PIEZO2: variants seen among roughly 807,000 people sequenced by gnomAD.
The protein encoded by PIEZO2 is piezo-type mechanosensitive ion channel component 2.
A neutral mutation model predicts 337.3 loss-of-function variants in PIEZO2; 172 were observed. The observed-to-expected ratio is 0.51, with a 90% CI of 0.45 to 0.58. The LOEUF is 0.58. PIEZO2 is among the 20% of genes least tolerant of loss of function. The pLI is 0.00. For synonymous variants in PIEZO2, 1,251 were observed against 1,228.5 expected (o/e 1.02, Z -0.38); for missense variants, 3,028 against 3,391.3 (o/e 0.89, Z 2.66).
chr18:11,010,683 T>G (rs1297438006), intron 2 of PIEZO2, among the ~76,000 whole-genome samples: 1 of 152,186 alleles, frequency 6.6e-6, no homozygotes, highest in African/African-American at 2.4e-5. Flanking sequence ...GAAAATGGGA[T>G]AGGCAAAGAT....
At chr18:10,914,759 T>C (rs1455421401) in intron 3 of PIEZO2, among the ~76,000 whole-genome samples, 3 of 152,110 alleles carry the variant, frequency 2.0e-5, no homozygotes, top group Non-Finnish European at 4.4e-5. Flanking sequence ...GAAACTGTCC[T>C]TTGTAGATCC....
chr18:10,707,563 T>C lies in PIEZO2; in HGVS notation c.5588+712A>G, dbSNP rs2035635971. ...AACACAGTGTAGCTGCTGACTTCAT[T>C]GTGCCCCCTCACCATCCTAAGGCAA... On this transcript the variant is annotated intron_variant, in intron 40 of 55. Coordinates refer to ENST00000674853, the MANE Select transcript of PIEZO2 (RefSeq NM_001378183.1). The surrounding 1 kb of genome is among the most constrained non-coding windows in gnomAD (Gnocchi z 4.2). 6.6e-6 allele frequency among the ~76,000 whole-genome samples: 1 copy of C among 152,226 alleles called. No homozygotes were observed.
intron 1 of PIEZO2, among the ~76,000 whole-genome samples, chr18:11,147,370 C>G (rs2040836700): frequency 1.3e-5 from 2 of 152,194 alleles, no homozygotes. Context: ...AAGACGCCTC[C>G]CAGACTCTTC....
intron 3 of PIEZO2, among the ~76,000 whole-genome samples, chr18:10,947,616 A>T (rs551344486): frequency 1.3e-5 from 2 of 152,280 alleles, no homozygotes; most frequent in South Asian, 4.1e-4. Context: ...AGTCCTTCAG[A>T]TGGAAGGAAA....
chr18:10,837,207 C>A lies in PIEZO2; in HGVS notation c.917+18146G>T, dbSNP rs2041042606. On this transcript the variant is annotated intron_variant, in intron 7 of 55. Transcript: ENST00000674853. This position sits in a 1 kb window ranked among gnomAD's most constrained non-coding sequence, Gnocchi z 4.4. ...CGGTAACAGAACCTGGAAATCAATGCTTTGAGGGGATTTTATTTTGACAGC... is the reference window on the plus strand; with the variant it reads ...CGGTAACAGAACCTGGAAATCAATGATTTGAGGGGATTTTATTTTGACAGC... Among the ~76,000 whole-genome samples the A allele has an allele frequency of 6.6e-6, 1 of 152,162 alleles. No individual in the cohort carries two copies. The highest frequency in any genetic ancestry group is 2.4e-5 in the African/African-American group (1 of 41,452).
rs149960608 is a variant in PIEZO2 at position 10,700,765 on chromosome 18, C to A, written c.6441+1224G>T. On this transcript the variant is annotated intron_variant, in intron 43 of 55. Transcript: ENST00000674853. ...TTATTAATATGTTCATAACAAAAAT[C>A]AGTATACTAAATAAATTCAAGTAAT... Among the ~76,000 whole-genome samples, 679 of 152,278 alleles carry A rather than the reference C, an allele frequency of 4.5e-3. 4 individuals are homozygous for A. Among genetic ancestry groups the A allele is most frequent in the Non-Finnish European group, 8.0e-3 (542 of 68,014 alleles).
At chr18:10,719,171 G>GT (rs1442989349) in intron 36 of PIEZO2, among the ~76,000 whole-genome samples, 1 of 152,032 alleles carries the variant, frequency 6.6e-6, no homozygotes, top group African/African-American at 2.4e-5. Context: ...AAATTTGAAT[G>GT]TAAGATAAAC....
intron 2 of PIEZO2, among the ~76,000 whole-genome samples, chr18:10,990,497 G>A (rs899297211): frequency 3.3e-5 from 5 of 152,066 alleles, no homozygotes; most frequent in Admixed American, 6.5e-5. Context: ...GTCTGCCCCC[G>A]TCCATGCAGC....
At position 10,951,434 on chromosome 18, in the gene PIEZO2, T is replaced by C. The variant is rs987107855; in HGVS notation, c.286+28101A>G. Among the ~76,000 whole-genome samples the C allele has an allele frequency of 7.2e-5, 11 of 152,294 alleles. No homozygotes were observed. In the South Asian group the frequency reaches 1.7e-3, roughly 23 times the overall value. ...CTCTGACCTGTCTTTCTGCCTCCAATGCCCAAATCCCTTCTCACACACATG... is the reference window on the plus strand; with the variant it reads ...CTCTGACCTGTCTTTCTGCCTCCAACGCCCAAATCCCTTCTCACACACATG... On this transcript the variant is annotated intron_variant, in intron 3 of 55. Coordinates refer to ENST00000674853, the MANE Select transcript of PIEZO2 (RefSeq NM_001378183.1).
chr18:11,057,952 A>G (rs2037790105), intron 2 of PIEZO2, among the ~76,000 whole-genome samples: 1 of 152,248 alleles, frequency 6.6e-6, no homozygotes, highest in African/African-American at 2.4e-5. Flanking sequence ...TAGGCATGGG[A>G]AAGCATCTAA....
At chr18:11,123,850 C>T (rs1349522261) in intron 1 of PIEZO2, among the ~76,000 whole-genome samples, 3 of 151,406 alleles carry the variant, frequency 2.0e-5, no homozygotes, top group Non-Finnish European at 4.4e-5. Flanking sequence ...AATCTCTATA[C>T]ATTGCAGAGA....
rs187814645 is a variant in PIEZO2 at position 11,097,672 on chromosome 18, C to T, written c.65-31450G>A. On this transcript the variant is annotated intron_variant, in intron 1 of 55. Coordinates refer to ENST00000674853, the MANE Select transcript of PIEZO2 (RefSeq NM_001378183.1). The surrounding 1 kb of genome is among the most constrained non-coding windows in gnomAD (Gnocchi z 5.0). ...TTTCAAGTCCTCTTTAGTAGATTTT[C>T]ACCTGACTGTATTTTCTGTATACTT... Among the ~76,000 whole-genome samples, 3 of 152,302 alleles carry T rather than the reference C, an allele frequency of 2.0e-5. No individual in the cohort carries two copies. In the East Asian group the frequency reaches 5.8e-4, roughly 29 times the overall value.
chr18:10,786,995 G>T (rs1487618435), intron 16 of PIEZO2, 41 bp downstream of exon 16: 1 of 1,492,100 alleles, frequency 6.7e-7, no homozygotes, highest in Non-Finnish European at 9.0e-7. Flanking sequence ...ATGCATTCAA[G>T]TCTTCATCTT....
At chr18:10,778,534 G>A (rs141847960) in intron 18 of PIEZO2, among the ~76,000 whole-genome samples, 169 of 152,052 alleles carry the variant, frequency 1.1e-3, no homozygotes, top group Non-Finnish European at 2.1e-3. Context: ...GGGTTTCACC[G>A]TGTTAGCCAG....
intron 1 of PIEZO2, among the ~76,000 whole-genome samples, chr18:11,103,594 G>A (rs1459632156): frequency 6.6e-6 from 1 of 152,128 alleles, no homozygotes; most frequent in Non-Finnish European, 1.5e-5. Flanking sequence ...ATAACAATTG[G>A]CATCTCCATT....
chr18:11,081,524 C>CT (rs2145986200), intron 1 of PIEZO2, among the ~76,000 whole-genome samples: 1 of 152,214 alleles, frequency 6.6e-6, no homozygotes, highest in South Asian at 2.1e-4. Context: ...ATCAGAAGTG[C>CT]TTAACTAACA....
At chr18:11,062,361 T>C (rs1477767161) in intron 2 of PIEZO2, among the ~76,000 whole-genome samples, 1 of 152,188 alleles carries the variant, frequency 6.6e-6, no homozygotes, top group East Asian at 1.9e-4. Context: ...AAGGACTTCA[T>C]GTCTAAAACA....
intron 36 of PIEZO2, among the ~76,000 whole-genome samples, chr18:10,723,247 G>C (rs746236558): frequency 3.3e-5 from 5 of 152,226 alleles, no homozygotes; most frequent in Non-Finnish European, 7.4e-5. Context: ...GATTACAGGC[G>C]TGAGCCACCG....
At position 10,943,990 on chromosome 18, in the gene PIEZO2, C is replaced by T. The variant is rs960470680; in HGVS notation, c.287-32762G>A. ...TGACTTCCTCCTACTTGCCTTCTGC[C>T]GTAATTGTGAGGCCTCCCCAGCCAT... On this transcript the variant is annotated intron_variant, in intron 3 of 55. Coordinates refer to ENST00000674853, the MANE Select transcript of PIEZO2 (RefSeq NM_001378183.1). The surrounding 1 kb of genome is among the most constrained non-coding windows in gnomAD (Gnocchi z 4.5). Among the ~76,000 whole-genome samples the T allele has an allele frequency of 2.6e-5, 4 of 152,080 alleles. No homozygotes were observed. Among genetic ancestry groups the T allele is most frequent in the Admixed American group, 6.5e-5 (1 of 15,270 alleles).
Sources: allele counts gnomAD v4.1 joint callset (sites outside exome capture counted in the v4.1 genomes callset), GRCh38; gene constraint gnomAD v4.1.1; non-coding constraint Gnocchi (gnomAD v3.1); transcripts MANE v1.5; gene names NCBI Gene and HGNC (gene_info 2026-07-23, HGNC 2026-07-21).